Variants in NEK3 observed in about 807,000 individuals in gnomAD.
NEK3 encodes serine/threonine-protein kinase Nek3.
NEK3 carries 54 observed loss-of-function variants against 66.0 expected under a neutral mutation model. The ratio of observed to expected loss-of-function variants is 0.82; its 90% CI spans 0.66 to 1.03. The LOEUF (loss-of-function observed/expected upper bound fraction) is 1.03, where lower values mean the gene tolerates loss of function less well. Ranked by LOEUF, NEK3 falls within the 50% of genes least tolerant of loss-of-function variation. NEK3 has a pLI of 0.00. For synonymous variants in NEK3, 200 were observed against 206.2 expected, an observed-to-expected ratio of 0.97 and a Z score of 0.26; for missense variants, 593 against 603.0, an observed-to-expected ratio of 0.98 and a Z score of 0.17.
chr13:52,158,854 C>T (rs1177970929), intron 1 of NEK3, among the ~76,000 whole-genome samples: 1 of 152,170 alleles, frequency 6.6e-6, no homozygotes, highest in Non-Finnish European at 1.5e-5. Flanking sequence ...TGACTGACTC[C>T]ATCTTGCTTC....
At chr13:52,153,599 A>G (rs1162505213) in intron 4 of NEK3, among the ~76,000 whole-genome samples, 2 of 152,162 alleles carry the variant, frequency 1.3e-5, no homozygotes, top group Non-Finnish European at 2.9e-5. Context: ...TCAGTACGAT[A>G]AAAACCAAGA....
chr13:52,155,899 CCTCAAACTCCTGACCTCAGGCCGGT>C (rs1474733127), intron 2 of NEK3, among the ~76,000 whole-genome samples, 151 bp downstream of exon 2: 3 of 151,982 alleles, frequency 2.0e-5, no homozygotes, highest in Admixed American at 6.6e-5. Flanking sequence ...GCCAGGCTGG[CCTCAAACTCCTGACCTCAGGCCGGT>C]CTCAAACTCC....
chr13:52,154,139 G>GC lies in NEK3; in HGVS notation c.151dup (p.Ala51GlyfsTer11). 6.2e-7 allele frequency: 1 copy of GC among 1,610,924 alleles called. No individual in the cohort carries two copies. The highest frequency in any genetic ancestry group is 1.1e-5 in the South Asian group (1 of 90,650). ...GTGTTTCATTTTGGCTAAAAGAACA[G>GC]CCTCCTTCCTAGAATTCTGTGTATT... On this transcript the variant is annotated frameshift_variant, in exon 3 of 16. Transcript: ENST00000610828. LOFTEE classifies it high-confidence loss of function.
chr13:52,138,923 A>G (rs1239952849), intron 11 of NEK3, among the ~76,000 whole-genome samples: 1 of 152,036 alleles, frequency 6.6e-6, no homozygotes, highest in Non-Finnish European at 1.5e-5. Context: ...AGAGAGAGAG[A>G]GAGAGAGAAG....
At chr13:52,148,349 T>C in intron 8 of NEK3, 66 bp downstream of exon 8, 1 of 1,461,580 alleles carries the variant, frequency 6.8e-7, no homozygotes, top group Non-Finnish European at 9.5e-7. Context: ...AACTAGAATC[T>C]GTCACATTAT....
At chr13:52,136,052 T>C in intron 13 of NEK3, 64 bp downstream of exon 13, 1 of 1,584,528 alleles carries the variant, frequency 6.3e-7, no homozygotes, top group African/African-American at 1.3e-5. Flanking sequence ...AGGCTCTAAG[T>C]GCACTAAGTA....
chr13:52,140,381 G>A lies in NEK3; in HGVS notation c.927+639C>T, dbSNP rs182331666. Among the ~76,000 whole-genome samples the A allele has an allele frequency of 2.6e-3, 396 of 152,230 alleles. 1 individual carries two copies. The highest frequency in any genetic ancestry group is 4.5e-3 in the Non-Finnish European group (304 of 68,020). ...CCCAGCACTTTGGGAGGCTGAGATGGGTGCATCACAAGGTGAGGAGATCGA... is the reference window on the plus strand; with the variant it reads ...CCCAGCACTTTGGGAGGCTGAGATGAGTGCATCACAAGGTGAGGAGATCGA... On this transcript the variant is annotated intron_variant, in intron 11 of 15. Coordinates refer to ENST00000610828, the MANE Select transcript of NEK3 (RefSeq NM_002498.3).
At chr13:52,137,863 TCC>T (rs2138191262) in intron 11 of NEK3, among the ~76,000 whole-genome samples, 1 of 152,312 alleles carries the variant, frequency 6.6e-6, no homozygotes, top group African/African-American at 2.4e-5. Context: ...AGTCCTCCAT[TCC>T]CTGACTGACT....
chr13:52,133,030 C>A lies in NEK3; in HGVS notation c.*112G>T, dbSNP rs147693994. On this transcript the variant is annotated 3_prime_UTR_variant, in exon 16 of 16. Transcript: ENST00000610828. ...TTTTAAGTATTAAGAGTTTCCTCTG[C>A]TTCATTCTGTTTCCAAAGGAAAATA... is the stretch of plus-strand genomic sequence containing the variant. The A allele has an allele frequency of 2.8e-4, 237 of 857,226 alleles. No homozygotes were observed. The African/African-American group carries it at 3.5e-3, about 12-fold the overall frequency. The allele number at this position is 857,226 out of a possible 1,614,324, so 53.1% of individuals were successfully genotyped here.
chr13:52,154,755 A>C (rs140433073), intron 2 of NEK3, among the ~76,000 whole-genome samples: 30 of 150,798 alleles, frequency 2.0e-4, no homozygotes, highest in African/African-American at 5.1e-4. Flanking sequence ...TCTTACAATC[A>C]AGAAATTGCC....
chr13:52,134,825 T>C (rs1956189471), intron 14 of NEK3, among the ~76,000 whole-genome samples: 1 of 152,198 alleles, frequency 6.6e-6, no homozygotes. Flanking sequence ...CAGCTCTATC[T>C]GAATGCATGT....
At chr13:52,136,725 C>T (rs577375668) in intron 12 of NEK3, 75 bp downstream of exon 12, 35 of 817,762 alleles carry the variant, frequency 4.3e-5, no homozygotes, top group Non-Finnish European at 6.5e-5. Context: ...TTTATGATAT[C>T]TGAGACCTAG....
chr13:52,140,490 C>G (rs1956239764), intron 11 of NEK3, among the ~76,000 whole-genome samples: 2 of 151,936 alleles, frequency 1.3e-5, no homozygotes, highest in Admixed American at 6.6e-5. Context: ...TGCCTGCAGT[C>G]CCAGCTACTC....
intron 11 of NEK3, 55 bp downstream of exon 11, chr13:52,140,962 GCAC>G (rs1182519842): frequency 1.4e-6 from 2 of 1,389,366 alleles, no homozygotes; most frequent in Admixed American, 2.1e-5. Flanking sequence ...TTACAGGCTT[GCAC>G]CACCACGCCC....
intron 2 of NEK3, among the ~76,000 whole-genome samples, 176 bp from the exon 3 acceptor site, chr13:52,154,349 C>T (rs77140194): frequency 0.019 from 2,922 of 152,188 alleles, 45 homozygotes; most frequent in Non-Finnish European, 0.032. Context: ...TCAACTCTGG[C>T]TATATTTTCA....
chr13:52,135,925 C>G (rs577986390), intron 13 of NEK3, 62 bp from the exon 14 acceptor site: 237 of 1,553,652 alleles, frequency 1.5e-4, no homozygotes, highest in Non-Finnish European at 2.0e-4. Context: ...ATGTACTTTC[C>G]AGATCATATT....
chr13:52,136,510 A>G (rs1956207721), intron 12 of NEK3, among the ~76,000 whole-genome samples: 2 of 152,164 alleles, frequency 1.3e-5, no homozygotes, highest in African/African-American at 4.8e-5. Flanking sequence ...TACATATTCT[A>G]TATTATACAA....
intron 8 of NEK3, among the ~76,000 whole-genome samples, chr13:52,146,591 T>A (rs1371821673): frequency 6.6e-6 from 1 of 152,228 alleles, no homozygotes; most frequent in African/African-American, 2.4e-5. Context: ...GATGTTGGAA[T>A]TTTAAAAATA....
intron 8 of NEK3, chr13:52,148,168 GAA>G: frequency 1.1e-5 from 4 of 362,122 alleles, no homozygotes; most frequent in Non-Finnish European, 1.5e-5. Flanking sequence ...CAAAAAGAAA[GAA>G]AAGAGGAAAA....
Sources: allele counts gnomAD v4.1 joint callset (sites outside exome capture counted in the v4.1 genomes callset), GRCh38; gene constraint gnomAD v4.1.1; transcripts MANE v1.5; gene names NCBI Gene and HGNC (gene_info 2026-07-23, HGNC 2026-07-21).